Variants in VCL observed in about 807,000 individuals in gnomAD.
VCL encodes vinculin.
A neutral mutation model predicts 125.7 loss-of-function variants in VCL; 47 were observed. That is an observed-to-expected ratio of 0.37 (90% CI 0.30 to 0.48). VCL has a LOEUF of 0.48. Ranked by LOEUF, VCL falls within the 20% of genes least tolerant of loss-of-function variation. The pLI is 0.99. For synonymous variants in VCL, 458 were observed against 514.6 expected (o/e 0.89, Z 1.49); for missense variants, 1,069 against 1,455.5 (o/e 0.73, Z 4.32).
intron 1 of VCL, 151 bp from the exon 2 acceptor site, chr10:74,042,932 C>T: frequency 2.8e-6 from 2 of 710,390 alleles, no homozygotes; most frequent in Non-Finnish European, 2.3e-6. Flanking sequence ...GTGAGTAATC[C>T]TAAAAAATTT....
chr10:74,081,775 T>C (rs959971390), intron 6 of VCL, among the ~76,000 whole-genome samples: 1 of 152,164 alleles, frequency 6.6e-6, no homozygotes, highest in Non-Finnish European at 1.5e-5. Context: ...CTGAGACCCA[T>C]TTATTCTATC....
chr10:74,018,191 T>TATATATATATATATATATATATATATAG, intron 1 of VCL, among the ~76,000 whole-genome samples: 1 of 138,570 alleles, frequency 7.2e-6, no homozygotes, highest in Non-Finnish European at 1.6e-5. Context: ...TATATATATA[T>TATATATATATATATATATATATATATAG]ATATATATAT....
rs757098704 is a variant in VCL, at chr10:74,109,030, T to A, written c.2619T>A (p.Pro873=). 3 of 1,614,168 alleles carry A rather than the reference T, an allele frequency of 1.9e-6. No individual in the cohort carries two copies. The South Asian group carries it at 3.3e-5, about 18-fold the overall frequency. ...PPLPEGEVPP[P]RPPPPEEKDE... The stretch of plus-strand genomic sequence containing the variant: ...TGCCTGAAGGTGAGGTCCCTCCACC[T>A]AGGCCTCCACCACCAGAGGAAAAGG... Residue 873 remains proline (P), a synonymous_variant, in exon 18 of 22, where the codon CCT becomes CCA. Coordinates refer to ENST00000211998, the MANE Select transcript of VCL (RefSeq NM_014000.3).
At chr10:74,029,804 T>C (rs146488877) in intron 1 of VCL, among the ~76,000 whole-genome samples, 3 of 152,344 alleles carry the variant, frequency 2.0e-5, no homozygotes, top group African/African-American at 7.2e-5. Context: ...TGATGCATTT[T>C]AGAATTTAAT....
chr10:74,055,639 C>T (rs921091696), intron 2 of VCL, among the ~76,000 whole-genome samples: 12 of 152,232 alleles, frequency 7.9e-5, no homozygotes, highest in African/African-American at 1.4e-4. Flanking sequence ...TTAGCCACCA[C>T]GCCTGGCCAA....
At chr10:74,022,997 T>A (rs1840701675) in intron 1 of VCL, among the ~76,000 whole-genome samples, 1 of 152,142 alleles carries the variant, frequency 6.6e-6, no homozygotes, top group Non-Finnish European at 1.5e-5. Flanking sequence ...CCACCTAAAC[T>A]CTTAGTTTCA....
intron 7 of VCL, among the ~76,000 whole-genome samples, 183 bp downstream of exon 7, chr10:74,082,727 G>A (rs545792476): frequency 1.3e-5 from 2 of 152,296 alleles, no homozygotes; most frequent in Admixed American, 1.3e-4. Context: ...AAGGATGAAG[G>A]GAATAGATTC....
At chr10:74,066,640 G>A (rs1195581356) in intron 2 of VCL, among the ~76,000 whole-genome samples, 1 of 151,320 alleles carries the variant, frequency 6.6e-6, no homozygotes, top group Non-Finnish European at 1.5e-5. Context: ...TTAAGGTGGG[G>A]TTCTAAAGTA....
chr10:73,998,862 T>C (rs1840169800), intron 1 of VCL, among the ~76,000 whole-genome samples: 1 of 152,204 alleles, frequency 6.6e-6, no homozygotes, highest in African/African-American at 2.4e-5. Context: ...GGATCCTTAT[T>C]TGAGCCACGT....
At position 74,118,770 on chromosome 10, in the gene VCL, C is replaced by T. The variant is rs578158126; in HGVS notation, c.*601C>T. ...GCATATGGGGGCCTGGATTCATTTCCTGCCCTTCCTCAGTTTAATCCTTCT... is the reference window on the plus strand; with the variant it reads ...GCATATGGGGGCCTGGATTCATTTCTTGCCCTTCCTCAGTTTAATCCTTCT... On this transcript the variant is annotated 3_prime_UTR_variant, in exon 22 of 22. Coordinates refer to ENST00000211998, the MANE Select transcript of VCL (RefSeq NM_014000.3). 1 of 165,758 alleles carries T rather than the reference C, an allele frequency of 6.0e-6. No individual in the cohort carries two copies. The highest frequency in any genetic ancestry group is 2.4e-5 in the African/African-American group (1 of 41,748). The allele number at this position is 165,758 out of a possible 1,614,324, so 10.3% of individuals were successfully genotyped here. A position where few individuals can be genotyped will look rare whatever the true frequency, so the allele number is the denominator to read the frequency against.
At chr10:74,026,729 T>G (rs1353879159) in intron 1 of VCL, among the ~76,000 whole-genome samples, 1 of 152,196 alleles carries the variant, frequency 6.6e-6, no homozygotes, top group Non-Finnish European at 1.5e-5. Flanking sequence ...ATAAGGAGAC[T>G]GAGGCTCAAA....
At chr10:74,017,326 C>T (rs1840566252) in intron 1 of VCL, among the ~76,000 whole-genome samples, 2 of 152,040 alleles carry the variant, frequency 1.3e-5, no homozygotes, top group African/African-American at 4.8e-5. Context: ...GGATTACAGG[C>T]GTGAGCCACC....
At chr10:74,015,831 T>C (rs927745959) in intron 1 of VCL, among the ~76,000 whole-genome samples, 1 of 151,886 alleles carries the variant, frequency 6.6e-6, no homozygotes, top group African/African-American at 2.4e-5. Context: ...ATTACAGTCA[T>C]CCACCACCAC....
intron 21 of VCL, among the ~76,000 whole-genome samples, chr10:74,115,232 AAAAAC>A (rs1298359459): frequency 2.6e-5 from 4 of 151,978 alleles, no homozygotes; most frequent in Admixed American, 1.3e-4. Flanking sequence ...CTTGTCTTGA[AAAAAC>A]AAAACAAAAC....
rs530413701 is a variant in VCL at position 74,103,933 on chromosome 10, A to C, written c.2131+5A>C. 2.5e-6 allele frequency: 4 copies of C among 1,612,682 alleles called. No homozygotes were observed. In the African/African-American group the frequency reaches 4.0e-5, roughly 16 times the overall value. ...ATAATGTTGAAAAAATGACAGGTAGAGTTTTCTATACAAATCTTGTTGTCT... is the reference window on the plus strand; with the variant it reads ...ATAATGTTGAAAAAATGACAGGTAGCGTTTTCTATACAAATCTTGTTGTCT... On this transcript the variant is annotated splice_donor_5th_base_variant and intron_variant, in intron 15 of 21. Transcript: ENST00000211998.
chr10:74,092,055 C>T (rs1246374446), intron 10 of VCL, among the ~76,000 whole-genome samples: 1 of 151,776 alleles, frequency 6.6e-6, no homozygotes, highest in African/African-American at 2.4e-5. Context: ...ACTACAGGCG[C>T]ACACCACCAC....
chr10:74,015,070 G>A (rs961340690), intron 1 of VCL, among the ~76,000 whole-genome samples: 10 of 152,136 alleles, frequency 6.6e-5, no homozygotes, highest in South Asian at 2.1e-4. Context: ...GGATAGAATC[G>A]CTTTCAGATT....
intron 2 of VCL, among the ~76,000 whole-genome samples, chr10:74,043,496 G>A (rs1841136345): frequency 6.6e-6 from 1 of 151,958 alleles, no homozygotes; most frequent in South Asian, 2.1e-4. Context: ...ATAGGCGCGT[G>A]CCACCATCCC....
At chr10:74,109,211 GGACCATGAAA>G (rs1840183448) in intron 18 of VCL, 55 bp downstream of exon 18, 1 of 1,607,338 alleles carries the variant, frequency 6.2e-7, no homozygotes, top group Admixed American at 1.7e-5. Flanking sequence ...AAAGGATGAA[GGACCATGAAA>G]GACCCAGAAA....
Sources: gnomAD v4.1 joint callset for allele counts (sites outside exome capture counted in the v4.1 genomes callset) on GRCh38, gnomAD v4.1.1 for gene constraint, MANE v1.5 for transcripts, NCBI Gene and HGNC (gene_info 2026-07-23, HGNC 2026-07-21) for gene names.